Variants in SPATA2 observed in about 807,000 individuals in gnomAD.
SPATA2 encodes spermatogenesis-associated protein 2.
SPATA2 carries 8 observed loss-of-function variants against 35.4 expected under a neutral mutation model. The ratio of observed to expected loss-of-function variants is 0.23; its 90% CI spans 0.13 to 0.41. SPATA2 has a LOEUF of 0.41. Ranked by LOEUF, SPATA2 falls within the 10% of genes least tolerant of loss-of-function variation. SPATA2 has a pLI of 1.00. For missense variants in SPATA2, 650 were observed against 698.7 expected (o/e 0.93, Z 0.79); for synonymous variants, 293 against 300.9 (o/e 0.97, Z 0.27).
rs2090122902 is a variant in SPATA2 at position 49,903,904 on chromosome 20, TATATATATATATATA to T, written c.*1700_*1714del. 8.8e-5 allele frequency: 1 copy of T among 11,312 alleles called. No homozygotes were observed. The highest frequency in any genetic ancestry group is 1.8e-4 in the Non-Finnish European group (1 of 5,698). The allele number at this position is 11,312 out of a possible 1,614,324, so 0.7% of individuals were successfully genotyped here. A position where few individuals can be genotyped will look rare whatever the true frequency, so the allele number is the denominator to read the frequency against. On this transcript the variant is annotated 3_prime_UTR_variant, in exon 3 of 3. Transcript: ENST00000289431. ...ATCTACATGTGATCTACCAGATAGA[TATATATATATATATA>T]TATATATATATATATATATATATAT...
At chr20:49,911,652 G>A (rs1385049227) in intron 1 of SPATA2, among the ~76,000 whole-genome samples, 2 of 150,796 alleles carry the variant, frequency 1.3e-5, no homozygotes, top group African/African-American at 2.4e-5. Flanking sequence ...GGGCAACAGA[G>A]CGAGACTCCG....
Position 49,906,853 on chromosome 20 carries a change from G to A in SPATA2, c.337-8C>T. On this transcript the variant is annotated splice_region_variant and splice_polypyrimidine_tract_variant and intron_variant, in intron 2 of 2. Transcript: ENST00000289431. The surrounding 1 kb of genome is among the most constrained non-coding windows in gnomAD (Gnocchi z 8.2). ...AAAAGGGCCCGTGTAGGTCTAGAAG[G>A]GAGGGAGTAGAAAAGAAAGGTGGGG... is the stretch of plus-strand genomic sequence containing the variant. 1 of 1,593,866 alleles carries A rather than the reference G, an allele frequency of 6.3e-7. No individual in the cohort carries two copies. The highest frequency in any genetic ancestry group is 8.6e-7 in the Non-Finnish European group (1 of 1,168,012).
Position 49,906,935 on chromosome 20 carries a change from G to A in SPATA2, c.337-90C>T. On this transcript the variant is annotated intron_variant, in intron 2 of 2. Transcript: ENST00000289431. This position sits in a 1 kb window ranked among gnomAD's most constrained non-coding sequence, Gnocchi z 8.2. The stretch of plus-strand genomic sequence containing the variant: ...GTCAAAGCAAAGGATGTCCAGCTCT[G>A]AAGTGGGGCGGCGGGGAGAGGGCAG... 7.0e-7 allele frequency: 1 copy of A among 1,436,224 alleles called. No individual in the cohort carries two copies. Among genetic ancestry groups the A allele is most frequent in the African/African-American group, 1.4e-5 (1 of 70,182 alleles). The allele number at this position is 1,436,224 out of a possible 1,614,324, so 89.0% of individuals were successfully genotyped here.
chr20:49,906,899 A>T lies in SPATA2; in HGVS notation c.337-54T>A. On this transcript the variant is annotated intron_variant, in intron 2 of 2. Coordinates refer to ENST00000289431, the MANE Select transcript of SPATA2 (RefSeq NM_006038.4). This position sits in a 1 kb window ranked among gnomAD's most constrained non-coding sequence, Gnocchi z 8.2. Reference sequence around the variant, plus strand: ...TGGGGTTTTCTGTCAGAGACACAAGACAGAGACTATGTCAAAGCAAAGGAT... The same window carrying T: ...TGGGGTTTTCTGTCAGAGACACAAGTCAGAGACTATGTCAAAGCAAAGGAT... 1 of 1,554,088 alleles carries T rather than the reference A, an allele frequency of 6.4e-7. No homozygotes were observed. Among genetic ancestry groups the T allele is most frequent in the African/African-American group, 1.4e-5 (1 of 73,088 alleles).
rs755281890 is a variant in SPATA2 at position 49,905,968 on chromosome 20, G to A, written c.1214C>T (p.Pro405Leu). 6.2e-7 allele frequency: 1 copy of A among 1,609,028 alleles called. No individual in the cohort carries two copies. Among genetic ancestry groups the A allele is most frequent in the South Asian group, 1.1e-5 (1 of 91,062 alleles). ...GAAGGCGCTGGGCTTGGAAGCTGGA[G>A]GACAGGTGAGCAGGCTGTCACAGCG... ...CQRCDSLLTC[P>L]PASKPSAFPS... The change falls in exon 3 of 3, where the codon CCT (proline) becomes CTT (leucine). Residue 405 changes from proline to leucine, a missense_variant. By Grantham distance (98) the Pro-to-Leu change is moderately conservative. Coordinates refer to ENST00000289431, the MANE Select transcript of SPATA2 (RefSeq NM_006038.4).
rs1391655397 is a variant in SPATA2, at chr20:49,906,455, A to T, written c.727T>A (p.Tyr243Asn). 2.5e-6 allele frequency: 4 copies of T among 1,611,636 alleles called. No homozygotes were observed. Among genetic ancestry groups the T allele is most frequent in the Non-Finnish European group, 3.4e-6 (4 of 1,179,984 alleles). ...GAGGGCTTGGTCACGCGGGGCTTGT[A>T]GTAGTCCTTGGCCGCCCGCTCGCTG... The part of the protein sequence containing the change: ...SASERAAKDY[Y>N]KPRVTKPSRS... Residue 243 changes from tyrosine (Y) to asparagine (N), a missense_variant, in exon 3 of 3, where the codon TAC (tyrosine) becomes AAC (asparagine). Transcript: ENST00000289431. The surrounding 1 kb of genome is among the most constrained non-coding windows in gnomAD (Gnocchi z 8.2).
intron 1 of SPATA2, among the ~76,000 whole-genome samples, chr20:49,914,046 A>ACC (rs2090195878): frequency 3.3e-5 from 5 of 149,928 alleles, no homozygotes; most frequent in East Asian, 2.0e-4. Context: ...AAAAAAAAAA[A>ACC]AAACCCAAAA....
At position 49,905,512 on chromosome 20, in the gene SPATA2, T is replaced by C. The variant is rs1405721560; in HGVS notation, c.*107A>G. 1.5e-6 allele frequency: 2 copies of C among 1,306,514 alleles called. No homozygotes were observed. Among genetic ancestry groups the C allele is most frequent in the African/African-American group, 1.5e-5 (1 of 68,338 alleles). The allele number at this position is 1,306,514 out of a possible 1,614,324, so 80.9% of individuals were successfully genotyped here. On this transcript the variant is annotated 3_prime_UTR_variant, in exon 3 of 3. Transcript: ENST00000289431. Reference sequence around the variant, plus strand: ...CCCACGATCTCTGCCACCTACATGGTCAAGTGCAGGCCTCCGCCTCTGAGA... The same window carrying C: ...CCCACGATCTCTGCCACCTACATGGCCAAGTGCAGGCCTCCGCCTCTGAGA...
At chr20:49,909,005 G>A (rs931463685) in intron 1 of SPATA2, among the ~76,000 whole-genome samples, 6 of 152,096 alleles carry the variant, frequency 3.9e-5, no homozygotes, top group African/African-American at 9.7e-5. Flanking sequence ...GACACGTGAC[G>A]AGCTTCACAC....
rs1366732457 is a variant in SPATA2, at chr20:49,906,007, G to A, written c.1175C>T (p.Ser392Phe). The change falls in exon 3 of 3, where the codon TCC becomes TTC. Residue 392 changes from serine to phenylalanine, a missense_variant. By Grantham distance (155) the Ser-to-Phe change is radical. Transcript: ENST00000289431. The surrounding 1 kb of genome is among the most constrained non-coding windows in gnomAD (Gnocchi z 8.2). ...KCQSCGLSCSSSLCQRCDSLL... is the reference protein window; with the variant it reads ...KCQSCGLSCSFSLCQRCDSLL... ...GCTGTCACAGCGCTGGCAGAGGGAG[G>A]AGCTGCAGGACAGCCCGCAGCTTTG... 2.5e-6 allele frequency: 4 copies of A among 1,606,398 alleles called. No homozygotes were observed. The highest frequency in any genetic ancestry group is 1.7e-4 in the Middle Eastern group (1 of 6,056).
At chr20:49,913,437 G>A (rs1270298690) in intron 1 of SPATA2, 1 of 152,210 alleles carries the variant, frequency 6.6e-6, no homozygotes, top group South Asian at 2.1e-4. Context: ...GAAATCCACA[G>A]GATAGATCCA....
At position 49,908,268 on chromosome 20, in the gene SPATA2, G is replaced by C; in HGVS notation, c.223C>G (p.Arg75Gly). 1.2e-6 allele frequency: 2 copies of C among 1,614,146 alleles called. 1 individual carries two copies. The highest frequency in any genetic ancestry group is 1.7e-6 in the Non-Finnish European group (2 of 1,180,000). The change falls in exon 2 of 3, where the codon CGC becomes GGC. Residue 75 changes from arginine (R) to glycine (G), a missense_variant. By Grantham distance (125) the Arg-to-Gly change is moderately radical (BLOSUM62 -2). Transcript: ENST00000289431. ...CGCAGGCTAGAGGAGCTGAGCGAGC[G>C]CAAGGAGCTCTCCACCACCTCATAG... ...QFYEVVESSL[R>G]SLSSSSLRAL... is the part of the protein sequence containing the mutation.
At position 49,905,912 on chromosome 20, in the gene SPATA2, C is replaced by G. The variant is rs763608370; in HGVS notation, c.1270G>C (p.Ala424Pro). Residue 424 changes from alanine (A) to proline (P), a missense_variant, in exon 3 of 3, where the codon GCC becomes CCC. Ala to Pro is a conservative substitution (Grantham distance 27). Coordinates refer to ENST00000289431, the MANE Select transcript of SPATA2 (RefSeq NM_006038.4). ...PSKASTHDSLAHGASLREKYP... is the reference protein window; with the variant it reads ...PSKASTHDSLPHGASLREKYP... ...TTCTCCCGCAGAGATGCCCCGTGGG[C>G]CAGGCTGTCATGAGTCGAGGCCTTG... The G allele has an allele frequency of 6.2e-7, 1 of 1,612,186 alleles. No homozygotes were observed. The highest frequency in any genetic ancestry group is 1.1e-5 in the South Asian group (1 of 91,068).
In SPATA2 at chr20:49,906,305, G is replaced by A. The variant is rs199582054; in HGVS notation, c.877C>T (p.Arg293Cys). The change falls in exon 3 of 3, where the codon CGC (arginine) becomes TGC (cysteine). Residue 293 changes from arginine (R) to cysteine (C), a missense_variant. Transcript: ENST00000289431. The surrounding 1 kb of genome is among the most constrained non-coding windows in gnomAD (Gnocchi z 8.2). ...ATGGTCAGCAGCGAAGGGGATGGGC[G>A]GATGATCTCATCCTTGAGGTCGTCC... ...VGDDLKDEII[R>C]PSPSLLTMAS... 1.3e-5 allele frequency: 21 copies of A among 1,591,886 alleles called. No homozygotes were observed. Among genetic ancestry groups the A allele is most frequent in the Middle Eastern group, 1.7e-4 (1 of 5,930 alleles).
Position 49,904,300 on chromosome 20 carries a change from C to T in SPATA2, c.*1319G>A, listed in dbSNP as rs2090127204. 1 of 152,464 alleles carries T rather than the reference C, an allele frequency of 6.6e-6. No individual in the cohort carries two copies. Among genetic ancestry groups the T allele is most frequent in the African/African-American group, 2.4e-5 (1 of 41,406 alleles). 9.4% of individuals were successfully genotyped at this position (152,464 alleles called of 1,614,324 possible). On this transcript the variant is annotated 3_prime_UTR_variant, in exon 3 of 3. Transcript: ENST00000289431. Reference sequence around the variant, plus strand: ...GAAGCGCTTAGGCTTAGCTGAGCATCTGAGGAGCCGTCTCTCTGATGGGCA... The same window carrying T: ...GAAGCGCTTAGGCTTAGCTGAGCATTTGAGGAGCCGTCTCTCTGATGGGCA...
rs2146824983 is a variant in SPATA2 at position 49,904,030 on chromosome 20, T to C, written c.*1589A>G. 6.6e-6 allele frequency: 1 copy of C among 150,924 alleles called. No individual in the cohort carries two copies. Among genetic ancestry groups the C allele is most frequent in the East Asian group, 1.9e-4 (1 of 5,162 alleles). 9.3% of individuals were successfully genotyped at this position (150,924 alleles called of 1,614,324 possible). On this transcript the variant is annotated 3_prime_UTR_variant, in exon 3 of 3. Transcript: ENST00000289431. ...TGGAAGAACATCAGCAAATTCACAGTGGCCTCAGGATTCAGCCAGACTTAA... is the reference window on the plus strand; with the variant it reads ...TGGAAGAACATCAGCAAATTCACAGCGGCCTCAGGATTCAGCCAGACTTAA...
At chr20:49,912,792 A>G (rs1290023583) in intron 1 of SPATA2, among the ~76,000 whole-genome samples, 1 of 152,178 alleles carries the variant, frequency 6.6e-6, no homozygotes, top group East Asian at 1.9e-4. Flanking sequence ...GCTGATGTTC[A>G]AAATACTCAC....
At chr20:49,914,491 C>T (rs1257235004) in intron 1 of SPATA2, among the ~76,000 whole-genome samples, 1 of 152,104 alleles carries the variant, frequency 6.6e-6, no homozygotes, top group Non-Finnish European at 1.5e-5. Flanking sequence ...TCAGTTCAAC[C>T]CCCTCCACCT....
At chr20:49,911,148 C>G (rs534639244) in intron 1 of SPATA2, among the ~76,000 whole-genome samples, 1 of 152,350 alleles carries the variant, frequency 6.6e-6, no homozygotes, top group East Asian at 1.9e-4. Flanking sequence ...AGGTACCACC[C>G]TATCTCACCT....
Sources: allele counts gnomAD v4.1 joint callset (sites outside exome capture counted in the v4.1 genomes callset), GRCh38; gene constraint gnomAD v4.1.1; non-coding constraint Gnocchi (gnomAD v3.1); transcripts MANE v1.5; gene names NCBI Gene and HGNC (gene_info 2026-07-23, HGNC 2026-07-21).